Variants in SGCZ observed in about 807,000 individuals in gnomAD.
SGCZ encodes the protein sarcoglycan zeta, also known as zeta-sarcoglycan.
SGCZ carries 40 observed loss-of-function variants against 41.3 expected under a neutral mutation model. The ratio of observed to expected loss-of-function variants is 0.97; its 90% CI spans 0.75 to 1.26. The LOEUF (loss-of-function observed/expected upper bound fraction) is 1.26, where lower values mean the gene tolerates loss of function less well. Among genes scored for constraint, SGCZ ranks in the 50% most tolerant of loss-of-function variants. The probability of loss-of-function intolerance (pLI) is 0.00; values close to 1 mark genes in which losing one functional copy is unlikely to be tolerated. For synonymous variants in SGCZ, 206 were observed against 137.5 expected, an observed-to-expected ratio of 1.50 and a Z score of -3.49; for missense variants, 552 against 369.8, an observed-to-expected ratio of 1.49 and a Z score of -4.04.
At chr8:14,414,409 C>T (rs531044548) in intron 2 of SGCZ, among the ~76,000 whole-genome samples, 1 of 151,866 alleles carries the variant, frequency 6.6e-6, no homozygotes, top group African/African-American at 2.4e-5. Flanking sequence ...AAGTAAAATT[C>T]CTAGGTCCCC....
rs150671883 is a variant in SGCZ, at chr8:14,851,095, C to A, written c.40-296169G>T. Among the ~76,000 whole-genome samples the A allele has an allele frequency of 6.6e-4, 101 of 152,194 alleles. 1 individual carries two copies. In the East Asian group the frequency reaches 9.3e-3, roughly 14 times the overall value. ...TTTAAAGAATGTATTCAAGGCTGGGCGCAGTGGCTCACACCTGTAATCCCA... is the reference window on the plus strand; with the variant it reads ...TTTAAAGAATGTATTCAAGGCTGGGAGCAGTGGCTCACACCTGTAATCCCA... On this transcript the variant is annotated intron_variant, in intron 1 of 7. Transcript: ENST00000382080.
intron 1 of SGCZ, among the ~76,000 whole-genome samples, chr8:14,825,500 C>A (rs535676155): frequency 6.6e-6 from 1 of 152,106 alleles, no homozygotes; most frequent in Non-Finnish European, 1.5e-5. Context: ...TTTTTCTATA[C>A]AAAATAATTG....
chr8:15,078,369 C>A (rs982444506), intron 1 of SGCZ, among the ~76,000 whole-genome samples: 1 of 151,678 alleles, frequency 6.6e-6, no homozygotes, highest in African/African-American at 2.4e-5. Flanking sequence ...TCTCTCCATA[C>A]CATACTCAGT....
chr8:14,220,779 T>C (rs1347673434), intron 4 of SGCZ, among the ~76,000 whole-genome samples: 3 of 74,608 alleles, frequency 4.0e-5, no homozygotes, highest in Admixed American at 1.8e-4. Flanking sequence ...AGAGGGATAC[T>C]CTGCCAAAAA....
rs905651485 is a variant in SGCZ, at chr8:14,318,941, A to T, written c.336+5162T>A. ...AAAATTCTGAGATTCACTATTATAC[A>T]AAAAAAAATATGAATTAGAGAGCGT... On this transcript the variant is annotated intron_variant, in intron 3 of 7. Coordinates refer to ENST00000382080, the MANE Select transcript of SGCZ (RefSeq NM_139167.4). 7.6e-5 allele frequency among the ~76,000 whole-genome samples: 6 copies of T among 78,940 alleles called. 1 individual carries two copies. Among genetic ancestry groups the T allele is most frequent in the African/African-American group, 3.6e-4 (6 of 16,802 alleles). The allele number at this position is 78,940 out of a possible 152,430, so 51.8% of individuals were successfully genotyped here.
intron 1 of SGCZ, among the ~76,000 whole-genome samples, chr8:14,747,413 T>G (rs528874812): frequency 6.6e-6 from 1 of 152,198 alleles, no homozygotes; most frequent in Admixed American, 6.5e-5. Flanking sequence ...AACAATACGG[T>G]GACAAAACCA....
At position 14,568,444 on chromosome 8, in the gene SGCZ, G is replaced by GAAAA. The variant is rs386360409; in HGVS notation, c.40-13522_40-13519dup. Among the ~76,000 whole-genome samples the GAAAA allele has an allele frequency of 1.1e-3, 142 of 127,786 alleles. 2 individuals are homozygous for GAAAA. The highest frequency in any genetic ancestry group is 1.8e-3 in the Non-Finnish European group (112 of 62,220). 83.8% of individuals were successfully genotyped at this position (127,786 alleles called of 152,430 possible). ...TTGAAAAAAAAAAAATACATTATCA[G>GAAAA]AAAAAAAAAAAAAAAACTAAAGAAG... On this transcript the variant is annotated intron_variant, in intron 1 of 7. Transcript: ENST00000382080.
chr8:14,244,799 G>A (rs187319704), intron 3 of SGCZ, among the ~76,000 whole-genome samples: 117 of 152,168 alleles, frequency 7.7e-4, no homozygotes, highest in Non-Finnish European at 1.3e-3. Context: ...TCCTTGAAGA[G>A]GTCCTTCAAG....
chr8:14,682,755 A>T (rs1808490821), intron 1 of SGCZ, among the ~76,000 whole-genome samples: 1 of 152,144 alleles, frequency 6.6e-6, no homozygotes, highest in African/African-American at 2.4e-5. Context: ...ACAAACAGAG[A>T]TGTCTTTTAC....
At chr8:14,794,902 A>G (rs1801075381) in intron 1 of SGCZ, among the ~76,000 whole-genome samples, 1 of 152,210 alleles carries the variant, frequency 6.6e-6, no homozygotes, top group African/African-American at 2.4e-5. Flanking sequence ...AATCTAAAGA[A>G]AAATAACTGT....
intron 2 of SGCZ, among the ~76,000 whole-genome samples, chr8:14,346,244 C>G (rs1229788039): frequency 2.6e-5 from 4 of 151,850 alleles, no homozygotes; most frequent in Non-Finnish European, 5.9e-5. Flanking sequence ...TGCTCATTTT[C>G]CTGTAAACCT....
Position 14,108,061 on chromosome 8 carries a change from T to A in SGCZ, c.620+102A>T. On this transcript the variant is annotated intron_variant, in intron 6 of 7. Transcript: ENST00000382080. Reference sequence around the variant, plus strand: ...CATTTTTGTATTTATTTTAAGTATATTGGGAGAAACATTTGTCTAGTTGTC... The same window carrying A: ...CATTTTTGTATTTATTTTAAGTATAATGGGAGAAACATTTGTCTAGTTGTC... 4 of 838,166 alleles carry A rather than the reference T, an allele frequency of 4.8e-6. No homozygotes were observed. In the South Asian group the frequency reaches 6.7e-5, roughly 14 times the overall value. The allele number at this position is 838,166 out of a possible 1,614,324, so 51.9% of individuals were successfully genotyped here. A position where few individuals can be genotyped will look rare whatever the true frequency, so the allele number is the denominator to read the frequency against.
chr8:14,810,384 T>A (rs1156735019), intron 1 of SGCZ, among the ~76,000 whole-genome samples: 1 of 152,000 alleles, frequency 6.6e-6, no homozygotes, highest in East Asian at 1.9e-4. Flanking sequence ...CATATTAACA[T>A]TTTTTAAGAA....
intron 1 of SGCZ, among the ~76,000 whole-genome samples, chr8:15,059,371 G>T (rs935455553): frequency 6.6e-6 from 1 of 152,034 alleles, no homozygotes; most frequent in Admixed American, 6.6e-5. Context: ...TTAAAAGAGC[G>T]GATATGTCAT....
intron 2 of SGCZ, among the ~76,000 whole-genome samples, chr8:14,444,483 T>C (rs1800371782): frequency 6.6e-6 from 1 of 152,024 alleles, no homozygotes; most frequent in Admixed American, 6.5e-5. Context: ...TATGCAGCCA[T>C]AAAAAATGAT....
intron 4 of SGCZ, among the ~76,000 whole-genome samples, chr8:14,194,877 A>AATTCATAAT (rs1805215973): frequency 1.3e-5 from 2 of 152,124 alleles, no homozygotes; most frequent in South Asian, 4.1e-4. Context: ...CTTGAATCAT[A>AATTCATAAT]ATTCATAATG....
chr8:15,052,542 C>T (rs1319334505), intron 1 of SGCZ, among the ~76,000 whole-genome samples: 1 of 152,028 alleles, frequency 6.6e-6, no homozygotes, highest in Non-Finnish European at 1.5e-5. Context: ...CGTTCTAACG[C>T]TCCTTCCTTG....
intron 5 of SGCZ, among the ~76,000 whole-genome samples, chr8:14,142,015 T>C (rs1390211024): frequency 1.3e-5 from 2 of 152,174 alleles, no homozygotes; most frequent in African/African-American, 4.8e-5. Context: ...ATGTCCTTTG[T>C]AGGCACATGG....
intron 3 of SGCZ, among the ~76,000 whole-genome samples, chr8:14,302,299 T>C (rs575379000): frequency 1.3e-5 from 2 of 152,342 alleles, no homozygotes; most frequent in African/African-American, 2.4e-5. Context: ...CTTGAATTGA[T>C]TGAACACGTA....
Sources: allele counts gnomAD v4.1 joint callset (sites outside exome capture counted in the v4.1 genomes callset), GRCh38; gene constraint gnomAD v4.1.1; transcripts MANE v1.5; gene names NCBI Gene and HGNC (gene_info 2026-07-23, HGNC 2026-07-21).